CPM: variants seen among roughly 807,000 people sequenced by gnomAD.
The protein encoded by CPM is carboxypeptidase M.
A neutral mutation model predicts 46.4 loss-of-function variants in CPM; 35 were observed. That is an observed-to-expected ratio of 0.75 (90% CI 0.58 to 1.00). The LOEUF (loss-of-function observed/expected upper bound fraction) is 1.00, where lower values mean the gene tolerates loss of function less well. Among genes scored for constraint, CPM ranks in the 50% least tolerant of loss-of-function variants. CPM has a pLI of 0.00. For missense variants in CPM, 422 were observed against 530.4 expected (o/e 0.80, Z 2.01); for synonymous variants, 195 against 195.3 (o/e 1.00, Z 0.01).
upstream of CPM, among the ~76,000 whole-genome samples, chr12:68,933,995 T>C (rs1888618928): frequency 6.6e-6 from 1 of 152,174 alleles, no homozygotes; most frequent in African/African-American, 2.4e-5. Context: ...GCATGGTCTC[T>C]GCACGAGAGA....
At chr12:68,908,963 A>G (rs1413023019) in intron 2 of CPM, among the ~76,000 whole-genome samples, 1 of 152,214 alleles carries the variant, frequency 6.6e-6, no homozygotes, top group Non-Finnish European at 1.5e-5. Context: ...CCACAGGGGC[A>G]GGGGTTTGTG....
chr12:68,962,955 T>A (rs951738596), intron 1 of CPM, among the ~76,000 whole-genome samples: 2 of 152,242 alleles, frequency 1.3e-5, no homozygotes, highest in African/African-American at 4.8e-5. Flanking sequence ...ACATCTTACA[T>A]GTATTGATTG....
At position 68,868,056 on chromosome 12, in the gene CPM, TG is replaced by T. The variant is rs1331408017; in HGVS notation, c.788-1009del. Among the ~76,000 whole-genome samples the T allele has an allele frequency of 2.6e-5, 4 of 152,280 alleles. No homozygotes were observed. The South Asian group carries it at 8.3e-4, about 32-fold the overall frequency. On this transcript the variant is annotated intron_variant, in intron 6 of 8. Transcript: ENST00000551568. ...ATACACAGCTCACACACAGGCACAC[TG>T]GGGAACAATTCCCAGCAGCAACCGT...
At chr12:68,924,163 A>AC (rs1186087082) in intron 2 of CPM, among the ~76,000 whole-genome samples, 27 of 151,700 alleles carry the variant, frequency 1.8e-4, no homozygotes, top group African/African-American at 6.5e-4. Context: ...AAAAAAAAAA[A>AC]AAAAAACCTA....
At position 68,922,186 on chromosome 12, in the gene CPM, C is replaced by T. The variant is rs148485463; in HGVS notation, c.160+10492G>A. Among the ~76,000 whole-genome samples the T allele has an allele frequency of 4.9e-3, 742 of 152,252 alleles. 9 individuals are homozygous for T. Among genetic ancestry groups the T allele is most frequent in the African/African-American group, 0.017 (713 of 41,536 alleles). On this transcript the variant is annotated intron_variant, in intron 2 of 8. Transcript: ENST00000551568. ...ACATTTTGAACTAAGTTTCAATTAA[C>T]GTAATGAATGATCAAATGGTCTCTA...
At chr12:68,874,270 C>A (rs1885841316) in intron 3 of CPM, among the ~76,000 whole-genome samples, 2 of 152,078 alleles carry the variant, frequency 1.3e-5, no homozygotes, top group South Asian at 4.1e-4. Flanking sequence ...TATGACCTCC[C>A]CTAAAGCCAG....
intron 1 of CPM, among the ~76,000 whole-genome samples, chr12:68,955,322 G>T (rs547318282): frequency 8.8e-4 from 134 of 152,292 alleles, no homozygotes; most frequent in South Asian, 1.9e-3. Flanking sequence ...GTAAAACAAA[G>T]TACTCAGCAT....
intron 2 of CPM, among the ~76,000 whole-genome samples, chr12:68,891,750 G>T (rs1886661709): frequency 6.6e-6 from 1 of 151,916 alleles, no homozygotes; most frequent in African/African-American, 2.4e-5. Flanking sequence ...TTTTTTTGAG[G>T]CAGAGTCTCG....
At chr12:68,879,581 T>A (rs973556743) in intron 3 of CPM, among the ~76,000 whole-genome samples, 1 of 152,108 alleles carries the variant, frequency 6.6e-6, no homozygotes, top group African/African-American at 2.4e-5. Context: ...CTCAGGCTAG[T>A]CTTGAACTCC....
At chr12:68,931,763 A>AAAAAAAAAAAAAAGAAAGAAAG (rs1482981614) in intron 2 of CPM, among the ~76,000 whole-genome samples, 1 of 132,506 alleles carries the variant, frequency 7.5e-6, no homozygotes, top group African/African-American at 3.1e-5. Flanking sequence ...AAAAAAAAAA[A>AAAAAAAAAAAAAAGAAAGAAAG]AAAGAAAGAA....
At chr12:68,940,605 A>C (rs1481634545) in intron 1 of CPM, among the ~76,000 whole-genome samples, 2 of 151,112 alleles carry the variant, frequency 1.3e-5, no homozygotes, top group Non-Finnish European at 2.9e-5. Context: ...ATATGCCCAG[A>C]GCACCAGGCC....
intron 4 of CPM, chr12:68,871,560 T>C (rs1053504954): frequency 8.0e-5 from 43 of 534,688 alleles, no homozygotes; most frequent in African/African-American, 7.2e-4. Context: ...CAAATGAAGA[T>C]GGAGAGGCTA....
At chr12:68,884,037 T>TAGGCGGAGGTTGC (rs2136249342) in intron 3 of CPM, among the ~76,000 whole-genome samples, 1 of 144,472 alleles carries the variant, frequency 6.9e-6, no homozygotes, top group East Asian at 2.1e-4. Context: ...TTGAACCTTG[T>TAGGCGGAGGTTGC]AGGCGGAGGT....
intron 7 of CPM, among the ~76,000 whole-genome samples, chr12:68,864,417 C>G (rs897466444): frequency 6.6e-6 from 1 of 152,156 alleles, no homozygotes; most frequent in Non-Finnish European, 1.5e-5. Flanking sequence ...TGCACTCCAG[C>G]CTAGATGACA....
At chr12:68,874,897 GCAAA>G (rs1309850924) in intron 3 of CPM, among the ~76,000 whole-genome samples, 1 of 152,158 alleles carries the variant, frequency 6.6e-6, no homozygotes, top group Non-Finnish European at 1.5e-5. Flanking sequence ...TCTCCAGCAT[GCAAA>G]CAATCACGAC....
At chr12:68,915,708 T>C (rs894297171) in intron 2 of CPM, among the ~76,000 whole-genome samples, 48 of 152,360 alleles carry the variant, frequency 3.2e-4, no homozygotes, top group African/African-American at 1.1e-3. Flanking sequence ...TCTGTTCTTC[T>C]TTGCATCCCC....
At chr12:68,903,775 A>G (rs1266568742) in intron 2 of CPM, among the ~76,000 whole-genome samples, 2 of 152,140 alleles carry the variant, frequency 1.3e-5, no homozygotes, top group Non-Finnish European at 2.9e-5. Context: ...GTGCACATAA[A>G]TATACAAGTC....
intron 2 of CPM, among the ~76,000 whole-genome samples, chr12:68,926,311 T>C (rs963066159): frequency 6.6e-6 from 1 of 152,246 alleles, no homozygotes; most frequent in South Asian, 2.1e-4. Flanking sequence ...TAGTGAAATA[T>C]TTTCCTTTTT....
intron 7 of CPM, among the ~76,000 whole-genome samples, chr12:68,863,811 G>A (rs1179914420): frequency 6.6e-6 from 1 of 152,154 alleles, no homozygotes; most frequent in East Asian, 1.9e-4. Context: ...AAGCATCCTA[G>A]CAATTGGTAA....
Sources: gnomAD v4.1 joint callset for allele counts (sites outside exome capture counted in the v4.1 genomes callset) on GRCh38, gnomAD v4.1.1 for gene constraint, MANE v1.5 for transcripts, NCBI Gene and HGNC (gene_info 2026-07-23, HGNC 2026-07-21) for gene names.